Variants in BACH2 observed in about 807,000 individuals in gnomAD.
BACH2 encodes transcription regulator protein BACH2.
A neutral mutation model predicts 61.8 loss-of-function variants in BACH2; 5 were observed. The ratio of observed to expected loss-of-function variants is 0.08; its 90% CI spans 0.04 to 0.17. The LOEUF is 0.17. Ranked by LOEUF, BACH2 falls within the 10% of genes least tolerant of loss-of-function variation. The pLI, the probability that BACH2 is intolerant of heterozygous loss-of-function variation, is 1.00. For synonymous variants in BACH2, 446 were observed against 440.1 expected (o/e 1.01, Z -0.17); for missense variants, 824 against 1,091.1 (o/e 0.76, Z 3.45).
chr6:89,987,969 T>C (rs1365051550), intron 6 of BACH2, among the ~76,000 whole-genome samples: 4 of 152,196 alleles, frequency 2.6e-5, no homozygotes, highest in Admixed American at 2.6e-4. Flanking sequence ...AAGAGAGCTC[T>C]CTTGAACTTC....
chr6:90,133,588 C>T (rs952735552), intron 4 of BACH2, among the ~76,000 whole-genome samples: 12 of 151,962 alleles, frequency 7.9e-5, no homozygotes, highest in South Asian at 2.1e-4. Flanking sequence ...ATGTGCACAA[C>T]GTGCAGGTTT....
At chr6:90,234,901 G>A (rs1480274443) in intron 3 of BACH2, among the ~76,000 whole-genome samples, 1 of 152,100 alleles carries the variant, frequency 6.6e-6, no homozygotes, top group Non-Finnish European at 1.5e-5. Context: ...GTGACCTTGG[G>A]CAAGTCATTT....
intron 4 of BACH2, among the ~76,000 whole-genome samples, chr6:90,167,335 G>A (rs1435962889): frequency 6.6e-6 from 1 of 152,042 alleles, no homozygotes; most frequent in Non-Finnish European, 1.5e-5. Flanking sequence ...TTTGGATGTT[G>A]CTATCAGCTA....
chr6:90,143,324 G>T (rs1784523013), intron 4 of BACH2, among the ~76,000 whole-genome samples: 1 of 152,132 alleles, frequency 6.6e-6, no homozygotes, highest in African/African-American at 2.4e-5. Flanking sequence ...TTGCAGTTAA[G>T]AATGCAGTCT....
intron 4 of BACH2, among the ~76,000 whole-genome samples, chr6:90,155,105 T>C (rs1784952146): frequency 6.6e-6 from 1 of 152,182 alleles, no homozygotes; most frequent in Non-Finnish European, 1.5e-5. Flanking sequence ...GCTCCATGCC[T>C]AAGACACCGC....
chr6:90,296,156 C>CTTATTACTCTCTGG (rs1772370276), intron 1 of BACH2, among the ~76,000 whole-genome samples: 1 of 152,022 alleles, frequency 6.6e-6, no homozygotes, highest in Admixed American at 6.6e-5. Context: ...TTACTCTCTG[C>CTTATTACTCTCTGG]TCCTCCTCCC....
chr6:90,099,451 T>C (rs1375471432), intron 4 of BACH2, among the ~76,000 whole-genome samples: 2 of 152,222 alleles, frequency 1.3e-5, no homozygotes, highest in Non-Finnish European at 2.9e-5. Context: ...TGATCATAGC[T>C]CACTGCATCC....
intron 4 of BACH2, among the ~76,000 whole-genome samples, chr6:90,161,958 A>C (rs1216357701): frequency 6.6e-6 from 1 of 152,152 alleles, no homozygotes; most frequent in African/African-American, 2.4e-5. Context: ...GGCTATTAGT[A>C]CTCTGACTTC....
chr6:90,123,482 C>G (rs543021805), intron 4 of BACH2, among the ~76,000 whole-genome samples: 1 of 152,144 alleles, frequency 6.6e-6, no homozygotes, highest in Non-Finnish European at 1.5e-5. Context: ...ATAAGAAGAC[C>G]GGTGGGGGCC....
At chr6:90,003,010 T>C (rs982449202) in intron 6 of BACH2, among the ~76,000 whole-genome samples, 1 of 152,174 alleles carries the variant, frequency 6.6e-6, no homozygotes, top group African/African-American at 2.4e-5. Flanking sequence ...CCAACCACCA[T>C]GTCACTGCTA....
At chr6:90,232,606 C>G (rs1406051109) in intron 3 of BACH2, among the ~76,000 whole-genome samples, 1 of 152,086 alleles carries the variant, frequency 6.6e-6, no homozygotes, top group Admixed American at 6.5e-5. Context: ...TTTTTCTAAT[C>G]CTAAACACAA....
At chr6:89,972,283 C>G (rs984907788) in intron 6 of BACH2, among the ~76,000 whole-genome samples, 7 of 152,042 alleles carry the variant, frequency 4.6e-5, no homozygotes, top group Admixed American at 2.0e-4. Flanking sequence ...GCCAGACGGG[C>G]GGCAAGCCAG....
intron 5 of BACH2, among the ~76,000 whole-genome samples, chr6:90,057,152 A>G (rs1413130197): frequency 6.6e-6 from 1 of 152,244 alleles, no homozygotes; most frequent in African/African-American, 2.4e-5. Context: ...TAGAGACACA[A>G]AAAACCCTTC....
intron 4 of BACH2, among the ~76,000 whole-genome samples, chr6:90,118,825 C>A (rs1370716702): frequency 6.6e-6 from 1 of 152,062 alleles, no homozygotes; most frequent in Admixed American, 6.5e-5. Context: ...GTCATTAAGG[C>A]GTGGGAGCTG....
At chr6:90,077,519 C>G (rs1185876092) in intron 5 of BACH2, among the ~76,000 whole-genome samples, 1 of 152,072 alleles carries the variant, frequency 6.6e-6, no homozygotes, top group African/African-American at 2.4e-5. Flanking sequence ...TGTCTTTATT[C>G]CAGACTGATG....
chr6:90,269,318 C>T (rs1771447196), intron 2 of BACH2, among the ~76,000 whole-genome samples: 1 of 152,114 alleles, frequency 6.6e-6, no homozygotes, highest in South Asian at 2.1e-4. Context: ...AAAGTTGATA[C>T]ACCAAGTTAC....
rs550709187 is a variant in BACH2 at position 89,992,131 on chromosome 6, G to A, written c.243+16471C>T. 9.2e-5 allele frequency among the ~76,000 whole-genome samples: 14 copies of A among 152,140 alleles called. No individual in the cohort carries two copies. In the South Asian group the frequency reaches 1.7e-3, roughly 18 times the overall value. ...CTCTGTTGCCACCTACTTTCTATAG[G>A]TAATCTTTTCCACTAGTTTCCTGTT... On this transcript the variant is annotated intron_variant, in intron 6 of 8. Coordinates refer to ENST00000257749, the MANE Select transcript of BACH2 (RefSeq NM_021813.4).
intron 3 of BACH2, among the ~76,000 whole-genome samples, chr6:90,230,285 T>C (rs1228551996): frequency 6.6e-6 from 1 of 152,232 alleles, no homozygotes; most frequent in Admixed American, 6.5e-5. Context: ...CATTTATTGA[T>C]CTCAGTGGAT....
intron 7 of BACH2, among the ~76,000 whole-genome samples, chr6:89,940,688 AAAC>A (rs1401829381): frequency 6.6e-6 from 1 of 152,238 alleles, no homozygotes; most frequent in Non-Finnish European, 1.5e-5. Context: ...TGTCTAATAC[AAAC>A]AATACGAGCT....
Sources: allele counts gnomAD v4.1 joint callset (sites outside exome capture counted in the v4.1 genomes callset), GRCh38; gene constraint gnomAD v4.1.1; transcripts MANE v1.5; gene names NCBI Gene and HGNC (gene_info 2026-07-23, HGNC 2026-07-21).